Variants in SMPD3 observed in about 807,000 individuals in gnomAD.
The protein encoded by SMPD3 is sphingomyelin phosphodiesterase 3.
In SMPD3, 21 loss-of-function variants were observed where a neutral mutation model predicts 55.7. The ratio of observed to expected loss-of-function variants is 0.38; its 90% CI spans 0.27 to 0.54. The LOEUF is 0.54. SMPD3 is among the 20% of genes least tolerant of loss of function. The pLI, the probability that SMPD3 is intolerant of heterozygous loss-of-function variation, is 0.80. For synonymous variants in SMPD3, 457 were observed against 404.3 expected, an observed-to-expected ratio of 1.13 and a Z score of -1.56; for missense variants, 842 against 899.6, an observed-to-expected ratio of 0.94 and a Z score of 0.82.
intron 2 of SMPD3, among the ~76,000 whole-genome samples, chr16:68,379,190 G>A (rs773818892): frequency 3.3e-5 from 5 of 152,224 alleles, no homozygotes; most frequent in Non-Finnish European, 5.9e-5. Context: ...CTGAGTCCTG[G>A]GAGGCCCTGC....
chr16:68,365,218 G>A, intron 3 of SMPD3, 126 bp from the exon 4 acceptor site: 1 of 926,996 alleles, frequency 1.1e-6, no homozygotes. Context: ...GCTGGATTCT[G>A]GGGTCCGAGT....
At chr16:68,433,407 C>G (rs542165022) in intron 1 of SMPD3, among the ~76,000 whole-genome samples, 52 of 152,328 alleles carry the variant, frequency 3.4e-4, no homozygotes, top group Non-Finnish European at 6.5e-4. Flanking sequence ...GGAGTGATGT[C>G]CAGTCAGCAG....
intron 2 of SMPD3, chr16:68,382,205 C>G (rs71395857): frequency 6.6e-6 from 1 of 152,338 alleles, no homozygotes; most frequent in South Asian, 2.1e-4. Flanking sequence ...GAAACCTCTG[C>G]CAGGGGTCAG....
intron 5 of SMPD3, chr16:68,364,527 TTCG>T: frequency 1.8e-6 from 1 of 541,566 alleles, no homozygotes; most frequent in Non-Finnish European, 3.2e-6. Flanking sequence ...TTGTCAGAGG[TTCG>T]TTTTTAGGGC....
Position 68,365,103 on chromosome 16 carries a change from A to AG in SMPD3, c.1324-12dup, listed in dbSNP as rs781041899. 69 of 1,613,560 alleles carry AG rather than the reference A, an allele frequency of 4.3e-5. No homozygotes were observed. In the East Asian group the frequency reaches 1.1e-3, roughly 26 times the overall value. ...GCTTCCCACCTGCACCTGGGGGAGG[A>AG]GGGGGTCAGTGCTGCCACCTGCCAG... is the stretch of plus-strand genomic sequence containing the variant. On this transcript the variant is annotated splice_polypyrimidine_tract_variant and intron_variant, in intron 3 of 8. Transcript: ENST00000219334.
intron 2 of SMPD3, among the ~76,000 whole-genome samples, chr16:68,386,105 C>A (rs1337202752): frequency 6.6e-6 from 1 of 151,964 alleles, no homozygotes; most frequent in Non-Finnish European, 1.5e-5. Context: ...ACTTGTAGTT[C>A]CAGCTACTCA....
intron 1 of SMPD3, among the ~76,000 whole-genome samples, chr16:68,396,691 A>G (rs2090160578): frequency 6.6e-6 from 1 of 152,178 alleles, no homozygotes; most frequent in African/African-American, 2.4e-5. Flanking sequence ...GGGCATGTCC[A>G]TCACCAGAAG....
intron 1 of SMPD3, among the ~76,000 whole-genome samples, chr16:68,423,593 T>C (rs901919773): frequency 1.3e-5 from 2 of 152,166 alleles, no homozygotes; most frequent in Admixed American, 1.3e-4. Context: ...TTCTTGTCTT[T>C]CTAAATTACC....
At chr16:68,363,934 G>T in intron 5 of SMPD3, 68 bp from the exon 6 acceptor site, 1 of 1,397,536 alleles carries the variant, frequency 7.2e-7, no homozygotes, top group Non-Finnish European at 9.8e-7. Context: ...CTGTGCCCCT[G>T]CTTCCCATCA....
intron 1 of SMPD3, among the ~76,000 whole-genome samples, chr16:68,388,490 G>A (rs2090081502): frequency 6.6e-6 from 1 of 152,112 alleles, no homozygotes; most frequent in Non-Finnish European, 1.5e-5. Flanking sequence ...GAGCCATTTG[G>A]GCCTGTGTGA....
rs539290409 is a variant in SMPD3, at chr16:68,443,623, A to G, written c.-269+4730T>C. 1.9e-3 allele frequency among the ~76,000 whole-genome samples: 293 copies of G among 152,310 alleles called. 2 individuals are homozygous for G. Among genetic ancestry groups the G allele is most frequent in the African/African-American group, 5.2e-3 (216 of 41,554 alleles). ...CCCTGGGCTACTGGTCATGAAGGTC[A>G]TTATACTACCCTTTCCCCATTCTTT... On this transcript the variant is annotated intron_variant, in intron 1 of 8. Transcript: ENST00000219334.
chr16:68,407,141 C>G, intron 1 of SMPD3, among the ~76,000 whole-genome samples: 1 of 152,106 alleles, frequency 6.6e-6, no homozygotes, highest in South Asian at 2.1e-4. Context: ...AGGGCTGTGT[C>G]CAGGCACACT....
chr16:68,373,216 C>A (rs137964061), intron 2 of SMPD3, among the ~76,000 whole-genome samples: 13 of 152,342 alleles, frequency 8.5e-5, no homozygotes, highest in African/African-American at 3.1e-4. Context: ...GCAGCCCAGT[C>A]GAGACCCACA....
chr16:68,379,152 C>T (rs138689084), intron 2 of SMPD3, among the ~76,000 whole-genome samples: 5 of 152,372 alleles, frequency 3.3e-5, no homozygotes, highest in Non-Finnish European at 2.9e-5. Flanking sequence ...TCCCCGTTGA[C>T]GTCCCACTGG....
At chr16:68,443,683 T>C (rs957928808) in intron 1 of SMPD3, among the ~76,000 whole-genome samples, 1 of 152,214 alleles carries the variant, frequency 6.6e-6, no homozygotes, top group Non-Finnish European at 1.5e-5. Flanking sequence ...CTGGATAAGA[T>C]ATAAAGTAGG....
rs764297071 is a variant in SMPD3 at position 68,372,077 on chromosome 16, A to T, written c.105T>A (p.Ala35=). 6.2e-7 allele frequency: 1 copy of T among 1,605,520 alleles called. No individual in the cohort carries two copies. Among genetic ancestry groups the T allele is most frequent in the East Asian group, 2.3e-5 (1 of 44,416 alleles). ...CGTAGGTGGTGGGTATGAAGGAGGC[A>T]GCGAGCCGGTCCACCAGCCAGTAGC... ...FPCYWLVDRL[A]ASFIPTTYEK... is the part of the protein sequence containing the mutation. The change falls in exon 3 of 9, where the codon GCT becomes GCA. Residue 35 remains alanine (A), a synonymous_variant. Coordinates refer to ENST00000219334, the MANE Select transcript of SMPD3 (RefSeq NM_018667.4).
intron 1 of SMPD3, among the ~76,000 whole-genome samples, chr16:68,403,656 C>T (rs1430899989): frequency 6.6e-6 from 1 of 152,176 alleles, no homozygotes; most frequent in Non-Finnish European, 1.5e-5. Flanking sequence ...TGATTAAATT[C>T]TTTCCTAGCC....
intron 1 of SMPD3, among the ~76,000 whole-genome samples, chr16:68,391,003 C>T (rs766353834): frequency 4.5e-4 from 68 of 152,084 alleles, no homozygotes; most frequent in Non-Finnish European, 6.0e-4. Context: ...TGGACAGTGC[C>T]CCCACCTCAG....
intron 1 of SMPD3, among the ~76,000 whole-genome samples, chr16:68,419,261 TG>T (rs1238888052): frequency 2.0e-5 from 3 of 152,178 alleles, no homozygotes; most frequent in Non-Finnish European, 4.4e-5. Flanking sequence ...AAGTCAAGGT[TG>T]ATGGCGCTTG....
Sources: allele counts gnomAD v4.1 joint callset (sites outside exome capture counted in the v4.1 genomes callset), GRCh38; gene constraint gnomAD v4.1.1; transcripts MANE v1.5; gene names NCBI Gene and HGNC (gene_info 2026-07-23, HGNC 2026-07-21).